Variants in GPA33 observed in about 807,000 individuals in gnomAD.
GPA33 encodes the protein glycoprotein A33, also known as cell surface A33 antigen.
A neutral mutation model predicts 35.6 loss-of-function variants in GPA33; 27 were observed. The observed-to-expected ratio is 0.76, with a 90% CI of 0.56 to 1.04. The LOEUF (loss-of-function observed/expected upper bound fraction) is 1.04, where lower values mean the gene tolerates loss of function less well. Among genes scored for constraint, GPA33 ranks in the 50% least tolerant of loss-of-function variants. The pLI is 0.00. For synonymous variants in GPA33, 176 were observed against 164.0 expected, an observed-to-expected ratio of 1.07 and a Z score of -0.56; for missense variants, 428 against 411.9, an observed-to-expected ratio of 1.04 and a Z score of -0.34.
intron 3 of GPA33, among the ~76,000 whole-genome samples, chr1:167,065,195 C>T (rs1466841800): frequency 6.6e-6 from 1 of 152,140 alleles, no homozygotes; most frequent in Non-Finnish European, 1.5e-5. Context: ...TGAACAATGA[C>T]CAGACAGGAG....
rs534164634 is a variant in GPA33 at position 167,057,821 on chromosome 1, G to T, written c.572-1972C>A. 2.0e-5 allele frequency among the ~76,000 whole-genome samples: 3 copies of T among 152,304 alleles called. No homozygotes were observed. The South Asian group carries it at 6.2e-4, about 32-fold the overall frequency. ...TAAAGAAGTTAAGTGAACTGCTCAAGGTCACAAAATTAAGAAATTATAAAA... is the reference window on the plus strand; with the variant it reads ...TAAAGAAGTTAAGTGAACTGCTCAATGTCACAAAATTAAGAAATTATAAAA... On this transcript the variant is annotated intron_variant, in intron 4 of 6. Coordinates refer to ENST00000367868, the MANE Select transcript of GPA33 (RefSeq NM_005814.3).
At chr1:167,062,642 C>CTTTTTTTTTT (rs1571306971) in intron 4 of GPA33, among the ~76,000 whole-genome samples, 1 of 69,934 alleles carries the variant, frequency 1.4e-5, no homozygotes, top group South Asian at 7.1e-4. Flanking sequence ...TTATATAGCT[C>CTTTTTTTTTT]TTTCTTTTTT....
intron 4 of GPA33, among the ~76,000 whole-genome samples, chr1:167,056,801 T>TGTGTGTAGTATGG (rs1666304771): frequency 9.6e-6 from 1 of 103,728 alleles, no homozygotes; most frequent in Non-Finnish European, 2.1e-5. Context: ...GTGCGTGTGG[T>TGTGTGTAGTATGG]GTGGTGTGTA....
chr1:167,057,296 T>A (rs1191098241), intron 4 of GPA33, among the ~76,000 whole-genome samples: 1 of 152,096 alleles, frequency 6.6e-6, no homozygotes, highest in African/African-American at 2.4e-5. Flanking sequence ...AAGCAAGAGC[T>A]TTGTGCTTGG....
chr1:167,060,973 G>C (rs540304364), intron 4 of GPA33, among the ~76,000 whole-genome samples: 1 of 152,284 alleles, frequency 6.6e-6, no homozygotes, highest in Admixed American at 6.5e-5. Flanking sequence ...ATAACACTTA[G>C]CATTAAATGA....
At chr1:167,072,751 G>T (rs1666743501) in intron 2 of GPA33, among the ~76,000 whole-genome samples, 1 of 152,130 alleles carries the variant, frequency 6.6e-6, no homozygotes, top group Admixed American at 6.5e-5. Context: ...GATGTATTAA[G>T]AGTCGAATGC....
chr1:167,072,837 GC>G (rs1666746616), intron 2 of GPA33, among the ~76,000 whole-genome samples: 1 of 151,944 alleles, frequency 6.6e-6, no homozygotes, highest in Non-Finnish European at 1.5e-5. Context: ...ATATATCCAT[GC>G]TCGTATATGC....
rs370500472 is a variant in GPA33 at position 167,070,989 on chromosome 1, C to T, written c.199-1851G>A. Among the ~76,000 whole-genome samples the T allele has an allele frequency of 1.3e-3, 200 of 151,960 alleles. 4 individuals are homozygous for T. In the South Asian group the frequency reaches 0.03, roughly 23 times the overall value. The stretch of plus-strand genomic sequence containing the variant: ...TTTACGTGTGGGGTATCTGGAGTGT[C>T]GGTGGGAGATCCATCTAGGTGGAGG... On this transcript the variant is annotated intron_variant, in intron 2 of 6. Transcript: ENST00000367868.
intron 2 of GPA33, 54 bp from the exon 3 acceptor site, chr1:167,069,192 C>T: frequency 7.8e-7 from 1 of 1,276,484 alleles, no homozygotes; most frequent in South Asian, 1.3e-5. Context: ...TTGCCTGGTG[C>T]TTCCAGCCTG....
chr1:167,061,872 C>T (rs546666577), intron 4 of GPA33, among the ~76,000 whole-genome samples: 4 of 152,240 alleles, frequency 2.6e-5, no homozygotes, highest in African/African-American at 7.2e-5. Context: ...AAAGTGTCTA[C>T]TAACTTTTTT....
chr1:167,073,179 G>A (rs1467353186), intron 2 of GPA33, among the ~76,000 whole-genome samples: 1 of 152,112 alleles, frequency 6.6e-6, no homozygotes, highest in Non-Finnish European at 1.5e-5. Context: ...AGATATTTTA[G>A]GGGCAGGTGA....
chr1:167,065,367 G>A (rs1214145587), intron 3 of GPA33, among the ~76,000 whole-genome samples: 2 of 152,210 alleles, frequency 1.3e-5, no homozygotes, highest in Non-Finnish European at 2.9e-5. Flanking sequence ...CATGTGCAAA[G>A]GCTCAGAGGC....
chr1:167,070,733 G>T (rs746125880), intron 2 of GPA33, among the ~76,000 whole-genome samples: 9 of 152,156 alleles, frequency 5.9e-5, no homozygotes, highest in Non-Finnish European at 7.4e-5. Context: ...AAAATGATGG[G>T]TCCTCAGATA....
intron 3 of GPA33, among the ~76,000 whole-genome samples, chr1:167,068,214 G>A (rs951984604): frequency 6.6e-6 from 1 of 152,138 alleles, no homozygotes; most frequent in African/African-American, 2.4e-5. Flanking sequence ...CCCAGCAGTG[G>A]TGCCATTTCT....
At chr1:167,064,908 G>A (rs948625324) in intron 3 of GPA33, among the ~76,000 whole-genome samples, 38 of 152,148 alleles carry the variant, frequency 2.5e-4, no homozygotes, top group African/African-American at 8.7e-4. Context: ...GAGGGGACTC[G>A]AGCAGGCAGA....
At chr1:167,077,600 C>A (rs2102196586) in intron 1 of GPA33, among the ~76,000 whole-genome samples, 1 of 152,296 alleles carries the variant, frequency 6.6e-6, no homozygotes, top group South Asian at 2.1e-4. Context: ...CAAGCAAATT[C>A]TATCTGATAG....
Position 167,073,906 on chromosome 1 carries a change from T to A in GPA33, c.44-367A>T, listed in dbSNP as rs186714643. ...TGGGAAAATTAATGGAGATACCATG[T>A]GTAAGTATTTTTATTACTCCCTGGC... On this transcript the variant is annotated intron_variant, in intron 1 of 6. Transcript: ENST00000367868. 6.6e-5 allele frequency among the ~76,000 whole-genome samples: 10 copies of A among 152,282 alleles called. No individual in the cohort carries two copies. In the East Asian group the frequency reaches 1.9e-3, roughly 29 times the overall value.
intron 6 of GPA33, 41 bp from the exon 7 acceptor site, chr1:167,054,507 AG>A: frequency 6.2e-7 from 1 of 1,613,556 alleles, no homozygotes; most frequent in Non-Finnish European, 8.5e-7. Flanking sequence ...ATTTGCTCTC[AG>A]GTGGACCCTC....
chr1:167,074,097 C>G (rs183765068), intron 1 of GPA33, among the ~76,000 whole-genome samples: 1 of 149,890 alleles, frequency 6.7e-6, no homozygotes, highest in East Asian at 1.9e-4. Context: ...AGGAGTTTAT[C>G]TCGTATGAGT....
Sources: allele counts gnomAD v4.1 joint callset (sites outside exome capture counted in the v4.1 genomes callset), GRCh38; gene constraint gnomAD v4.1.1; transcripts MANE v1.5; gene names NCBI Gene and HGNC (gene_info 2026-07-23, HGNC 2026-07-21).